The following COTL1 variants were observed in gnomAD, a reference collection of about 807,000 sequenced individuals.
COTL1 encodes the protein coactosin-like protein.
A neutral mutation model predicts 16.5 loss-of-function variants in COTL1; 15 were observed. The ratio of observed to expected loss-of-function variants is 0.91; its 90% confidence interval spans 0.61 to 1.40. The LOEUF (loss-of-function observed/expected upper bound fraction) is 1.40. Among genes scored for constraint, COTL1 ranks in the 40% most tolerant of loss-of-function variants. The pLI is 0.00. For synonymous variants in COTL1, 112 were observed against 85.3 expected, an observed-to-expected ratio of 1.31 and a Z score of -1.73; for missense variants, 220 against 201.5, an observed-to-expected ratio of 1.09 and a Z score of -0.56.
intron 3 of COTL1, chr16:84,569,080 G>A (rs576702975): frequency 6.6e-6 from 1 of 152,492 alleles, no homozygotes; most frequent in South Asian, 2.1e-4. Flanking sequence ...CCAGCACTTT[G>A]GAGGCCGAGG....
intron 2 of COTL1, among the ~76,000 whole-genome samples, chr16:84,612,777 G>C (rs1246526727): frequency 6.6e-6 from 1 of 152,062 alleles, no homozygotes; most frequent in Non-Finnish European, 1.5e-5. Flanking sequence ...GAAAAGCAGT[G>C]GTAGGGGTAG....
At chr16:84,580,261 T>G (rs1904553038) in intron 3 of COTL1, among the ~76,000 whole-genome samples, 1 of 152,134 alleles carries the variant, frequency 6.6e-6, no homozygotes, top group African/African-American at 2.4e-5. Context: ...CCTCTAAGAC[T>G]TGTTTTTGAG....
chr16:84,584,808 C>T (rs1904679969), intron 3 of COTL1, among the ~76,000 whole-genome samples: 1 of 152,172 alleles, frequency 6.6e-6, no homozygotes, highest in Non-Finnish European at 1.5e-5. Context: ...ATTTAATCCC[C>T]ACCACAACCC....
intron 2 of COTL1, among the ~76,000 whole-genome samples, chr16:84,599,562 T>C (rs1199015806): frequency 2.6e-5 from 4 of 152,160 alleles, no homozygotes; most frequent in Non-Finnish European, 5.9e-5. Context: ...AGGCACCTTA[T>C]ACGTTATCTG....
chr16:84,613,594 G>T (rs1370775442), intron 2 of COTL1, among the ~76,000 whole-genome samples: 1 of 152,190 alleles, frequency 6.6e-6, no homozygotes, highest in Non-Finnish European at 1.5e-5. Flanking sequence ...GCCATAGAAG[G>T]TTAATGAGCA....
chr16:84,583,617 C>A (rs1170299329), intron 3 of COTL1, among the ~76,000 whole-genome samples: 1 of 151,974 alleles, frequency 6.6e-6, no homozygotes, highest in African/African-American at 2.4e-5. Context: ...ACACCATGCC[C>A]CAGCTAATTT....
At chr16:84,579,429 G>A (rs912220961) in intron 3 of COTL1, among the ~76,000 whole-genome samples, 1 of 152,068 alleles carries the variant, frequency 6.6e-6, no homozygotes. Context: ...AGAGGTTGCT[G>A]TGAGCCGAGA....
intron 2 of COTL1, among the ~76,000 whole-genome samples, chr16:84,592,720 G>A (rs935031398): frequency 6.6e-6 from 1 of 152,170 alleles, no homozygotes. Flanking sequence ...CTGTCTACAG[G>A]AGATACTGGC....
At chr16:84,601,542 C>T (rs1027271689) in intron 2 of COTL1, among the ~76,000 whole-genome samples, 4 of 152,068 alleles carry the variant, frequency 2.6e-5, no homozygotes, top group East Asian at 1.9e-4. Context: ...ATGCAACCTC[C>T]GCCTCCCGGG....
At chr16:84,593,418 G>A (rs1421640483) in intron 2 of COTL1, among the ~76,000 whole-genome samples, 1 of 152,188 alleles carries the variant, frequency 6.6e-6, no homozygotes, top group Non-Finnish European at 1.5e-5. Flanking sequence ...GACTGTGCCT[G>A]AATTCCCAAA....
chr16:84,593,097 G>A (rs1047079672), intron 2 of COTL1, among the ~76,000 whole-genome samples: 2 of 152,234 alleles, frequency 1.3e-5, no homozygotes, highest in Non-Finnish European at 2.9e-5. Context: ...CACCTTCATT[G>A]ATAAGGGCTG....
At chr16:84,599,399 T>G (rs534458858) in intron 2 of COTL1, among the ~76,000 whole-genome samples, 2 of 152,098 alleles carry the variant, frequency 1.3e-5, no homozygotes, top group Non-Finnish European at 2.9e-5. Context: ...TGTAGAATAA[T>G]GAGAAACACA....
At chr16:84,609,947 G>A (rs902266810) in intron 2 of COTL1, among the ~76,000 whole-genome samples, 10 of 152,164 alleles carry the variant, frequency 6.6e-5, no homozygotes, top group African/African-American at 2.2e-4. Flanking sequence ...TCATAGCAGC[G>A]TGAGAAGAGA....
intron 3 of COTL1, among the ~76,000 whole-genome samples, chr16:84,578,376 A>G (rs771062847): frequency 1.9e-4 from 29 of 152,368 alleles, no homozygotes; most frequent in South Asian, 6.2e-4. Flanking sequence ...AAGTTGGATA[A>G]ATAAGTAAAT....
At chr16:84,592,282 A>G (rs4783027) in intron 2 of COTL1, among the ~76,000 whole-genome samples, 31,623 of 152,106 alleles carry the variant, frequency 0.21, 3,610 homozygotes, top group African/African-American at 0.31. Context: ...TTTAACTGCC[A>G]TTATCACCAA....
chr16:84,613,789 C>G (rs1905395883), intron 2 of COTL1, among the ~76,000 whole-genome samples: 1 of 152,198 alleles, frequency 6.6e-6, no homozygotes, highest in Non-Finnish European at 1.5e-5. Flanking sequence ...AGGAAGCCAC[C>G]TCCTCAAGTC....
At chr16:84,597,258 C>A (rs1256587924) in intron 2 of COTL1, among the ~76,000 whole-genome samples, 1 of 152,130 alleles carries the variant, frequency 6.6e-6, no homozygotes, top group Non-Finnish European at 1.5e-5. Flanking sequence ...CTACTAAGCA[C>A]TTATGAGGGG....
chr16:84,578,293 T>A (rs115718666), intron 3 of COTL1, among the ~76,000 whole-genome samples: 1,914 of 152,288 alleles, frequency 0.013, 32 homozygotes, highest in African/African-American at 0.043. Context: ...ACAGAATTTT[T>A]AAAAAATAAC....
At chr16:84,608,959 C>T (rs755470672) in intron 2 of COTL1, among the ~76,000 whole-genome samples, 1 of 152,112 alleles carries the variant, frequency 6.6e-6, no homozygotes. Context: ...AGTAGGAACC[C>T]AATAAAATGT....
Sources: gnomAD v4.1 joint callset for allele counts (sites outside exome capture counted in the v4.1 genomes callset) on GRCh38, gnomAD v4.1.1 for gene constraint, MANE v1.5 for transcripts, NCBI Gene and HGNC (gene_info 2026-07-23, HGNC 2026-07-21) for gene names.